Variants in LCK observed in about 807,000 individuals in gnomAD.
LCK encodes the protein tyrosine-protein kinase Lck.
Under a neutral mutation model 64.6 loss-of-function variants are expected in LCK, and 14 were observed. The observed-to-expected ratio is 0.22, with a 90% CI of 0.14 to 0.34. The LOEUF is 0.34. Ranked by LOEUF, LCK falls within the 10% of genes least tolerant of loss-of-function variation. The pLI is 1.00. For synonymous variants in LCK, 277 were observed against 263.6 expected (o/e 1.05, Z -0.49); for missense variants, 434 against 668.1 (o/e 0.65, Z 3.86).
chr1:32,255,271 T>G (rs920250806), intron 1 of LCK, among the ~76,000 whole-genome samples: 1 of 152,228 alleles, frequency 6.6e-6, no homozygotes, highest in Non-Finnish European at 1.5e-5. Context: ...CCTCAGTCTT[T>G]GCATCTGTAA....
Position 32,280,228 on chromosome 1 carries a change from G to T in LCK, c.1327+18G>T, listed in dbSNP as rs772861860. 13 of 1,613,682 alleles carry T rather than the reference G, an allele frequency of 8.1e-6. No homozygotes were observed. The African/African-American group carries it at 1.7e-4, about 22-fold the overall frequency. On this transcript the variant is annotated intron_variant, in intron 12 of 12. Coordinates refer to ENST00000336890, the MANE Select transcript of LCK (RefSeq NM_005356.5). ...TTACCCAGGTTAGAGCCAAGGGCAGGAACTGAAAGGGTGATGGGAAGGGCA... is the reference window on the plus strand; with the variant it reads ...TTACCCAGGTTAGAGCCAAGGGCAGTAACTGAAAGGGTGATGGGAAGGGCA...
At chr1:32,282,565 G>A (rs1230833411) in intron 12 of LCK, among the ~76,000 whole-genome samples, 1 of 152,132 alleles carries the variant, frequency 6.6e-6, no homozygotes, top group African/African-American at 2.4e-5. Context: ...CAGCACTTTG[G>A]GAAGCTGAGG....
chr1:32,273,164 TGG>T (rs999242029), intron 1 of LCK, among the ~76,000 whole-genome samples: 2 of 61,658 alleles, frequency 3.2e-5, no homozygotes, highest in Non-Finnish European at 3.1e-5. Context: ...AGTGTGTGTG[TGG>T]GGGGGCACTT....
chr1:32,266,189 C>G (rs891067938), intron 1 of LCK, among the ~76,000 whole-genome samples: 4 of 152,076 alleles, frequency 2.6e-5, no homozygotes, highest in African/African-American at 9.7e-5. Context: ...GTCTCTAATT[C>G]CTGGGCTCAA....
chr1:32,272,227 GAA>G lies in LCK; in HGVS notation c.-5-2087_-5-2086del, dbSNP rs36045049. On this transcript the variant is annotated intron_variant, in intron 1 of 12. Coordinates refer to ENST00000336890, the MANE Select transcript of LCK (RefSeq NM_005356.5). ...TGAACCTGGGAGGTAGAGGTTGCAG[GAA>G]AAAAAAAAAAGGTAATATTTCAGCT... Among the ~76,000 whole-genome samples the G allele has an allele frequency of 2.3e-3, 331 of 146,480 alleles. 5 individuals are homozygous for G. Among genetic ancestry groups the G allele is most frequent in the Non-Finnish European group, 8.9e-4 (59 of 66,164 alleles).
intron 1 of LCK, among the ~76,000 whole-genome samples, chr1:32,254,488 G>A (rs1054164286): frequency 1.3e-5 from 2 of 151,942 alleles, no homozygotes; most frequent in Non-Finnish European, 2.9e-5. Flanking sequence ...GTCTGGCTAA[G>A]TTTTGTGGGG....
At chr1:32,257,249 T>G (rs1639653754) in intron 1 of LCK, among the ~76,000 whole-genome samples, 1 of 151,080 alleles carries the variant, frequency 6.6e-6, no homozygotes, top group Non-Finnish European at 1.5e-5. Context: ...TTTTTTTTTT[T>G]GTTTTTTTTG....
rs186674150 is a variant in LCK, at chr1:32,263,675, G to A, written c.-5-10650G>A. Among the ~76,000 whole-genome samples the A allele has an allele frequency of 1.8e-4, 27 of 152,024 alleles. 1 individual carries two copies. The highest frequency in any genetic ancestry group is 5.8e-4 in the African/African-American group (24 of 41,522). ...GTTAGTAATCCCAGCACTTTGGGAG[G>A]CCAAGGTGGCAGGTTACTTGAGCCC... On this transcript the variant is annotated intron_variant, in intron 1 of 12. Coordinates refer to ENST00000336890, the MANE Select transcript of LCK (RefSeq NM_005356.5).
rs10914543 is a variant in LCK, at chr1:32,270,273, T to G, written c.-5-4052T>G. ...AACTTTTTTTTTTTTTTTTTTTTTG[T>G]ATTTTTAGTAGAGACAGGGTTTCAC... On this transcript the variant is annotated intron_variant, in intron 1 of 12. Transcript: ENST00000336890. Among the ~76,000 whole-genome samples the G allele has an allele frequency of 4.6e-4, 65 of 142,774 alleles. No individual in the cohort carries two copies. The East Asian group carries it at 0.013, about 28-fold the overall frequency. The allele number at this position is 142,774 out of a possible 152,430, so 93.7% of individuals were successfully genotyped here.
chr1:32,272,648 AGC>A (rs1483413076), intron 1 of LCK, among the ~76,000 whole-genome samples: 19 of 132,210 alleles, frequency 1.4e-4, no homozygotes, highest in African/African-American at 7.8e-4. Flanking sequence ...AGAGAGAGAG[AGC>A]GAGAGAGCGC....
intron 1 of LCK, among the ~76,000 whole-genome samples, chr1:32,272,365 G>A (rs1182274835): frequency 6.6e-6 from 1 of 151,710 alleles, no homozygotes; most frequent in African/African-American, 2.4e-5. Context: ...AAGGCAGGAG[G>A]ATTGCTTGAG....
Position 32,275,008 on chromosome 1 carries a change from C to G in LCK, c.203C>G (p.Ala68Gly), listed in dbSNP as rs1640212745. 3 of 1,614,216 alleles carry G rather than the reference C, an allele frequency of 1.9e-6. No homozygotes were observed. The highest frequency in any genetic ancestry group is 2.5e-6 in the Non-Finnish European group (3 of 1,180,048). The stretch of plus-strand genomic sequence containing the variant: ...GTCTTTACAGACAACCTGGTTATCG[C>G]TCTGCACAGCTATGAGCCCTCTCAC... ...ASPLQDNLVI[A>G]LHSYEPSHDG... The change falls in exon 4 of 13, where the codon GCT (alanine) becomes GGT (glycine). Residue 68 changes from alanine (A) to glycine (G), a missense_variant. Ala to Gly is a moderately conservative substitution (Grantham distance 60). Transcript: ENST00000336890. This position sits in a 1 kb window ranked among gnomAD's most constrained non-coding sequence, Gnocchi z 6.9.
rs577301476 is a variant in LCK at position 32,285,507 on chromosome 1, C to T, written c.1328-7C>T. On this transcript the variant is annotated splice_polypyrimidine_tract_variant and splice_region_variant and intron_variant, in intron 12 of 12. Transcript: ENST00000336890. ...ACCTTGATGTCCTTTCACCCATCAACCCGTAGGGATGACCAACCCGGAGGT... is the reference window on the plus strand; with the variant it reads ...ACCTTGATGTCCTTTCACCCATCAATCCGTAGGGATGACCAACCCGGAGGT... The T allele has an allele frequency of 2.7e-4, 442 of 1,613,930 alleles. 5 individuals are homozygous for T. The South Asian group carries it at 4.6e-3, about 17-fold the overall frequency.
chr1:32,280,429 CT>C lies in LCK; in HGVS notation c.1327+226del, dbSNP rs1175576205. ...ATAACCCCAGCTCTTTTCTTTTTCT[CT>C]TTTTTTCTTTTTCTTTTTTTTTTTT... is the stretch of plus-strand genomic sequence containing the variant. On this transcript the variant is annotated intron_variant, in intron 12 of 12. Transcript: ENST00000336890. 6.6e-4 allele frequency among the ~76,000 whole-genome samples: 79 copies of C among 119,222 alleles called. 3 individuals carry two copies. In the East Asian group the frequency reaches 0.016, roughly 25 times the overall value. 78.2% of individuals were successfully genotyped at this position (119,222 alleles called of 152,430 possible).
At chr1:32,254,156 G>C (rs575614483) in intron 1 of LCK, among the ~76,000 whole-genome samples, 161 of 152,280 alleles carry the variant, frequency 1.1e-3, no homozygotes, top group Non-Finnish European at 1.9e-3. Context: ...CTAGGGGTTT[G>C]AGGCTGCAGT....
chr1:32,274,297 C>G, intron 1 of LCK, 28 bp from the exon 2 acceptor site: 2 of 1,613,850 alleles, frequency 1.2e-6, no homozygotes, highest in Non-Finnish European at 1.7e-6. Flanking sequence ...TGGGGGAGCC[C>G]CTTCAGCCCC....
At chr1:32,262,396 G>T (rs1639799031) in intron 1 of LCK, among the ~76,000 whole-genome samples, 1 of 148,888 alleles carries the variant, frequency 6.7e-6, no homozygotes, top group African/African-American at 2.4e-5. Context: ...AGCTACTTGG[G>T]AGGCTGTGGC....
At chr1:32,284,161 G>A (rs1006290109) in intron 12 of LCK, among the ~76,000 whole-genome samples, 14 of 151,276 alleles carry the variant, frequency 9.3e-5, no homozygotes, top group Non-Finnish European at 2.1e-4. Flanking sequence ...GGGATTACAG[G>A]CGTGAGCCAC....
At chr1:32,253,093 C>T (rs749098253) in intron 1 of LCK, among the ~76,000 whole-genome samples, 1 of 152,126 alleles carries the variant, frequency 6.6e-6, no homozygotes, top group East Asian at 1.9e-4. Context: ...AAGCTGGGCA[C>T]GGTGGCTCAC....
Sources: allele counts gnomAD v4.1 joint callset (sites outside exome capture counted in the v4.1 genomes callset), GRCh38; gene constraint gnomAD v4.1.1; non-coding constraint Gnocchi (gnomAD v3.1); transcripts MANE v1.5; gene names NCBI Gene and HGNC (gene_info 2026-07-23, HGNC 2026-07-21).